TRAF3: variants seen among roughly 807,000 people sequenced by gnomAD.
TRAF3 encodes TNF receptor-associated factor 3.
A neutral mutation model predicts 62.3 loss-of-function variants in TRAF3; 13 were observed. The ratio of observed to expected loss-of-function variants is 0.21; its 90% CI spans 0.14 to 0.33. The LOEUF is 0.33. Ranked by LOEUF, TRAF3 falls within the 10% of genes least tolerant of loss-of-function variation. The probability of loss-of-function intolerance (pLI) is 1.00; values close to 1 mark genes in which losing one functional copy is unlikely to be tolerated. For synonymous variants in TRAF3, 269 were observed against 283.4 expected (o/e 0.95, Z 0.51); for missense variants, 440 against 741.8 (o/e 0.59, Z 4.73).
intron 2 of TRAF3, among the ~76,000 whole-genome samples, chr14:102,839,054 C>G (rs1411984459): frequency 6.6e-6 from 1 of 151,914 alleles, no homozygotes; most frequent in Non-Finnish European, 1.5e-5. Context: ...AGAAGCTTTC[C>G]CTGTCATATG....
At chr14:102,835,059 GA>G (rs1175242833) in intron 2 of TRAF3, among the ~76,000 whole-genome samples, 1 of 151,500 alleles carries the variant, frequency 6.6e-6, no homozygotes, top group Non-Finnish European at 1.5e-5. Flanking sequence ...AGAACTACAA[GA>G]AAAAAAACAA....
At chr14:102,833,103 G>A (rs1835698486) in intron 2 of TRAF3, among the ~76,000 whole-genome samples, 1 of 152,130 alleles carries the variant, frequency 6.6e-6, no homozygotes, top group Admixed American at 6.6e-5. Context: ...TGCACACCCT[G>A]CACAGACACA....
chr14:102,894,518 G>T (rs751856333), intron 9 of TRAF3, among the ~76,000 whole-genome samples: 1 of 151,832 alleles, frequency 6.6e-6, no homozygotes, highest in Non-Finnish European at 1.5e-5. Flanking sequence ...TGTTTTGCCG[G>T]CTCCTTGGAA....
chr14:102,877,665 C>T (rs111547982), intron 6 of TRAF3, among the ~76,000 whole-genome samples: 3,499 of 150,120 alleles, frequency 0.023, 141 homozygotes, highest in African/African-American at 0.082. Flanking sequence ...GCCTTCCGCT[C>T]AGCTCATAGA....
intron 2 of TRAF3, among the ~76,000 whole-genome samples, chr14:102,843,061 G>A (rs1886472628): frequency 6.6e-6 from 1 of 151,748 alleles, no homozygotes. Context: ...AAATTAGCTG[G>A]GTGTGGTGGC....
rs74608981 is a variant in TRAF3, at chr14:102,869,003, C to A, written c.-17-1182C>A. Among the ~76,000 whole-genome samples, 1,196 of 152,324 alleles carry A rather than the reference C, an allele frequency of 7.9e-3. 37 individuals are homozygous for A. In the East Asian group the frequency reaches 0.096, roughly 12 times the overall value. On this transcript the variant is annotated intron_variant, in intron 2 of 11. Transcript: ENST00000392745. ...CTTGTTAGCAAGTGTGGAAGAGAGT[C>A]CGCGCAGACAGACTTGCCCTATGTG...
rs781251406 is a variant in TRAF3, at chr14:102,903,460, T to C, written c.1135+31T>C. On this transcript the variant is annotated intron_variant, in intron 11 of 11. Transcript: ENST00000392745. This position sits in a 1 kb window ranked among gnomAD's most constrained non-coding sequence, Gnocchi z 6.4. ...GCAGGGGCCGGGGCCGGGCCAGCAGTGTGCATCTGGGCCCCGGGCGAGTGC... is the reference window on the plus strand; with the variant it reads ...GCAGGGGCCGGGGCCGGGCCAGCAGCGTGCATCTGGGCCCCGGGCGAGTGC... The C allele has an allele frequency of 1.2e-6, 2 of 1,612,556 alleles. No homozygotes were observed. Among genetic ancestry groups the C allele is most frequent in the South Asian group, 2.2e-5 (2 of 91,024 alleles).
chr14:102,848,364 G>A (rs1252208708), intron 2 of TRAF3, among the ~76,000 whole-genome samples: 2 of 152,218 alleles, frequency 1.3e-5, no homozygotes, highest in East Asian at 1.9e-4. Context: ...AGGAGTTCCA[G>A]GCTGCAGTGA....
At chr14:102,784,154 G>A (rs1356807244) in intron 1 of TRAF3, among the ~76,000 whole-genome samples, 1 of 151,274 alleles carries the variant, frequency 6.6e-6, no homozygotes, top group African/African-American at 2.4e-5. Flanking sequence ...TCTTCACGCA[G>A]GATAGGTTTT....
chr14:102,803,516 A>C (rs1898576272), intron 1 of TRAF3, among the ~76,000 whole-genome samples: 1 of 152,192 alleles, frequency 6.6e-6, no homozygotes. Context: ...TAAGCTCAGT[A>C]AAATTTAGCA....
At chr14:102,884,841 AT>A (rs1889282236) in intron 6 of TRAF3, among the ~76,000 whole-genome samples, 1 of 152,028 alleles carries the variant, frequency 6.6e-6, no homozygotes. Context: ...GCACATATAT[AT>A]GTGCTTAACC....
intron 1 of TRAF3, among the ~76,000 whole-genome samples, chr14:102,810,314 G>A (rs899574832): frequency 4.6e-5 from 7 of 152,136 alleles, no homozygotes; most frequent in African/African-American, 7.2e-5. Context: ...CAGTGCAGTC[G>A]GCTCTGGTGG....
At chr14:102,790,335 C>T (rs1000550936) in intron 1 of TRAF3, among the ~76,000 whole-genome samples, 1 of 152,140 alleles carries the variant, frequency 6.6e-6, no homozygotes, top group Non-Finnish European at 1.5e-5. Context: ...TAGATGTTTG[C>T]ATTTATTTCT....
At chr14:102,780,034 C>G (rs1332523222) in intron 1 of TRAF3, among the ~76,000 whole-genome samples, 1 of 151,982 alleles carries the variant, frequency 6.6e-6, no homozygotes, top group Non-Finnish European at 1.5e-5. Context: ...TCTTTTTTTG[C>G]ATGGAAGAGT....
intron 1 of TRAF3, among the ~76,000 whole-genome samples, chr14:102,812,694 C>T (rs375155577): frequency 1.3e-5 from 2 of 151,786 alleles, no homozygotes; most frequent in Non-Finnish European, 2.9e-5. Context: ...CCGAGGGGGG[C>T]GGATCACGAG....
chr14:102,895,976 G>C (rs1050343983), intron 9 of TRAF3, among the ~76,000 whole-genome samples: 1 of 152,100 alleles, frequency 6.6e-6, no homozygotes, highest in Non-Finnish European at 1.5e-5. Flanking sequence ...TTCTCGTCAC[G>C]CTCTCATTAT....
At chr14:102,891,273 C>T (rs2139943907) in intron 8 of TRAF3, 52 bp from the exon 9 acceptor site, 2 of 1,549,750 alleles carry the variant, frequency 1.3e-6, no homozygotes, top group East Asian at 2.3e-5. Context: ...GCCGTTCTGC[C>T]CTTTGAAATG....
chr14:102,882,873 CA>C (rs1889150202), intron 6 of TRAF3, among the ~76,000 whole-genome samples: 1 of 152,134 alleles, frequency 6.6e-6, no homozygotes, highest in African/African-American at 2.4e-5. Flanking sequence ...TATAGGTTAG[CA>C]TAATTTAAAG....
intron 1 of TRAF3, among the ~76,000 whole-genome samples, chr14:102,803,035 G>T (rs1898538879): frequency 2.0e-5 from 3 of 152,144 alleles, no homozygotes; most frequent in South Asian, 2.1e-4. Flanking sequence ...GATCTCGTGA[G>T]AACTCACTGT....
Sources: allele counts gnomAD v4.1 joint callset (sites outside exome capture counted in the v4.1 genomes callset), GRCh38; gene constraint gnomAD v4.1.1; non-coding constraint Gnocchi (gnomAD v3.1); transcripts MANE v1.5; gene names NCBI Gene and HGNC (gene_info 2026-07-23, HGNC 2026-07-21).